FBXL20: variants seen among roughly 807,000 people sequenced by gnomAD.
The protein encoded by FBXL20 is F-box and leucine rich repeat protein 20.
Under a neutral mutation model 64.0 loss-of-function variants are expected in FBXL20, and 11 were observed. The observed-to-expected ratio is 0.17, with a 90% confidence interval of 0.11 to 0.28. The LOEUF (loss-of-function observed/expected upper bound fraction) is 0.28, where lower values mean the gene tolerates loss of function less well. Among genes scored for constraint, FBXL20 ranks in the 10% least tolerant of loss-of-function variants. FBXL20 has a pLI of 1.00. For synonymous variants in FBXL20, 184 were observed against 189.0 expected (o/e 0.97, Z 0.22); for missense variants, 303 against 526.2 (o/e 0.58, Z 4.15).
At chr17:39,343,523 C>T (rs1054340791) in intron 1 of FBXL20, among the ~76,000 whole-genome samples, 1 of 152,014 alleles carries the variant, frequency 6.6e-6, no homozygotes, top group Non-Finnish European at 1.5e-5. Context: ...AATCTTCATA[C>T]CATCCCTATT....
intron 1 of FBXL20, among the ~76,000 whole-genome samples, chr17:39,363,766 T>C (rs2047822930): frequency 7.7e-6 from 1 of 130,302 alleles, no homozygotes; most frequent in Non-Finnish European, 1.5e-5. Context: ...AGCTGTGATC[T>C]GGCCACTGTA....
At chr17:39,316,514 T>C (rs1177915704) in intron 2 of FBXL20, among the ~76,000 whole-genome samples, 1 of 152,154 alleles carries the variant, frequency 6.6e-6, no homozygotes, top group Non-Finnish European at 1.5e-5. Context: ...AAGTGAGTGC[T>C]CAAAGAATGA....
chr17:39,385,041 T>G (rs772700326), intron 1 of FBXL20, among the ~76,000 whole-genome samples: 3 of 152,222 alleles, frequency 2.0e-5, no homozygotes, highest in Non-Finnish European at 4.4e-5. Flanking sequence ...TGGGGCACAG[T>G]GGCACACAAT....
rs2048246152 is a variant in FBXL20 at position 39,401,597 on chromosome 17, C to G, written c.-195G>C. ...CCTCCCGCGGCGCCGGCGGCCGCAA[C>G]GACTGCTCGTCGCTAGCTCGGCTCT... On this transcript the variant is annotated 5_prime_UTR_variant, in exon 1 of 15. Coordinates refer to ENST00000264658, the MANE Select transcript of FBXL20 (RefSeq NM_032875.3). 1.4e-6 allele frequency: 2 copies of G among 1,404,336 alleles called. No individual in the cohort carries two copies. The allele number at this position is 1,404,336 out of a possible 1,614,324, so 87.0% of individuals were successfully genotyped here.
intron 2 of FBXL20, among the ~76,000 whole-genome samples, chr17:39,334,914 A>G (rs969348570): frequency 3.3e-5 from 5 of 152,184 alleles, no homozygotes; most frequent in African/African-American, 7.2e-5. Context: ...ATGGTGAAAC[A>G]CCGTTGGAAC....
At chr17:39,375,446 A>G (rs913921686) in intron 1 of FBXL20, among the ~76,000 whole-genome samples, 1 of 152,196 alleles carries the variant, frequency 6.6e-6, no homozygotes, top group African/African-American at 2.4e-5. Flanking sequence ...TTACAGTTAG[A>G]TAGAAGATAC....
At chr17:39,294,275 GCTT>G (rs2047065484) in intron 6 of FBXL20, among the ~76,000 whole-genome samples, 1 of 151,612 alleles carries the variant, frequency 6.6e-6, no homozygotes, top group Admixed American at 6.6e-5. Context: ...ACACCTGGCT[GCTT>G]CTTTATTATT....
At chr17:39,385,813 T>A (rs777140097) in intron 1 of FBXL20, among the ~76,000 whole-genome samples, 2 of 148,082 alleles carry the variant, frequency 1.4e-5, no homozygotes, top group Non-Finnish European at 3.0e-5. Flanking sequence ...GGGCAGATCA[T>A]GAGCTCAAGA....
At chr17:39,294,276 CTTCT>C (rs1326319049) in intron 6 of FBXL20, among the ~76,000 whole-genome samples, 1 of 151,654 alleles carries the variant, frequency 6.6e-6, no homozygotes, top group East Asian at 1.9e-4. Flanking sequence ...CACCTGGCTG[CTTCT>C]TTATTATTTT....
At chr17:39,304,794 GT>G (rs1262434936) in intron 2 of FBXL20, among the ~76,000 whole-genome samples, 2 of 151,678 alleles carry the variant, frequency 1.3e-5, no homozygotes, top group East Asian at 3.9e-4. Flanking sequence ...TTGTTTGTTT[GT>G]TTTTTTGAGA....
At chr17:39,357,685 C>T (rs2144606647) in intron 1 of FBXL20, among the ~76,000 whole-genome samples, 1 of 152,308 alleles carries the variant, frequency 6.6e-6, no homozygotes, top group East Asian at 1.9e-4. Context: ...GTTGCGACTA[C>T]AGGTGAGTCA....
At chr17:39,344,764 T>C (rs1190812491) in intron 1 of FBXL20, among the ~76,000 whole-genome samples, 3 of 152,128 alleles carry the variant, frequency 2.0e-5, no homozygotes, top group Non-Finnish European at 4.4e-5. Flanking sequence ...CACCCCAGCC[T>C]GGGTGACACA....
Position 39,390,858 on chromosome 17 carries a change from T to A in FBXL20, c.42+10503A>T, listed in dbSNP as rs148122906. Among the ~76,000 whole-genome samples, 1,369 of 151,864 alleles carry A rather than the reference T, an allele frequency of 9.0e-3. 18 individuals are homozygous for A. Among genetic ancestry groups the A allele is most frequent in the African/African-American group, 0.031 (1,292 of 41,416 alleles). ...GGTAAGGAGTTCAAGACCAGCCTGG[T>A]CAAGATGGTAAAACCCTGTCTCTAC... On this transcript the variant is annotated intron_variant, in intron 1 of 14. Coordinates refer to ENST00000264658, the MANE Select transcript of FBXL20 (RefSeq NM_032875.3).
At chr17:39,348,134 AG>A (rs1467754049) in intron 1 of FBXL20, among the ~76,000 whole-genome samples, 2 of 146,594 alleles carry the variant, frequency 1.4e-5, no homozygotes, top group Non-Finnish European at 3.0e-5. Context: ...ACATGTTCTC[AG>A]GATCTCCTGA....
At chr17:39,337,743 C>T (rs548728231) in intron 2 of FBXL20, among the ~76,000 whole-genome samples, 2 of 151,390 alleles carry the variant, frequency 1.3e-5, no homozygotes, top group African/African-American at 2.4e-5. Context: ...GGAGCGTCTC[C>T]GACGGGCAGC....
intron 6 of FBXL20, among the ~76,000 whole-genome samples, chr17:39,289,659 C>CA (rs373302395): frequency 0.031 from 4,444 of 144,660 alleles, 80 homozygotes; most frequent in African/African-American, 0.06. Context: ...AAGAAACAAA[C>CA]AAAAAAAAAA....
intron 2 of FBXL20, among the ~76,000 whole-genome samples, chr17:39,320,154 T>C (rs2047341850): frequency 6.6e-6 from 1 of 152,178 alleles, no homozygotes; most frequent in Non-Finnish European, 1.5e-5. Flanking sequence ...ACACAATAGA[T>C]ATGCAAATAA....
At chr17:39,395,132 G>A (rs923516009) in intron 1 of FBXL20, among the ~76,000 whole-genome samples, 7 of 152,108 alleles carry the variant, frequency 4.6e-5, no homozygotes, top group African/African-American at 1.7e-4. Flanking sequence ...TTAAAAGTGT[G>A]ACCACTTCTA....
At chr17:39,347,534 GTTGT>G (rs1298858195) in intron 1 of FBXL20, among the ~76,000 whole-genome samples, 9 of 152,246 alleles carry the variant, frequency 5.9e-5, no homozygotes, top group South Asian at 2.1e-4. Context: ...TTTTGATGGG[GTTGT>G]TTGATTTTTT....
Sources: allele counts gnomAD v4.1 joint callset (sites outside exome capture counted in the v4.1 genomes callset), GRCh38; gene constraint gnomAD v4.1.1; transcripts MANE v1.5; gene names NCBI Gene and HGNC (gene_info 2026-07-23, HGNC 2026-07-21).